NSMCE1: variants seen among roughly 807,000 people sequenced by gnomAD.
The protein encoded by NSMCE1 is NSE1 component of SMC5/6 complex.
In NSMCE1, 18 loss-of-function variants were observed where a neutral mutation model predicts 29.6. The observed-to-expected ratio is 0.61, with a 90% confidence interval of 0.42 to 0.90. NSMCE1 has a LOEUF of 0.90. Ranked by LOEUF, NSMCE1 falls within the 40% of genes least tolerant of loss-of-function variation. The probability of loss-of-function intolerance (pLI) is 0.00; values close to 1 mark genes in which losing one functional copy is unlikely to be tolerated. For synonymous variants in NSMCE1, 124 were observed against 133.4 expected, an observed-to-expected ratio of 0.93 and a Z score of 0.49; for missense variants, 314 against 343.6, an observed-to-expected ratio of 0.91 and a Z score of 0.68.
At chr16:27,266,934 AAGG>A (rs1307719647) in intron 1 of NSMCE1, among the ~76,000 whole-genome samples, 1 of 152,134 alleles carries the variant, frequency 6.6e-6, no homozygotes, top group Non-Finnish European at 1.5e-5. Context: ...CAAAAGAAAA[AAGG>A]AGAAAAAAAA....
chr16:27,230,197 G>A (rs939647084), intron 5 of NSMCE1, among the ~76,000 whole-genome samples: 17 of 152,196 alleles, frequency 1.1e-4, no homozygotes, highest in African/African-American at 3.9e-4. Context: ...TCTCCTGGAC[G>A]GACAGCTGCC....
At chr16:27,255,680 C>T (rs764689991) in intron 2 of NSMCE1, among the ~76,000 whole-genome samples, 16 of 152,294 alleles carry the variant, frequency 1.1e-4, no homozygotes, top group African/African-American at 2.9e-4. Context: ...CCGTCTAACA[C>T]GCCACCTTCT....
chr16:27,239,735 G>C (rs1269792469), intron 2 of NSMCE1, among the ~76,000 whole-genome samples: 1 of 152,232 alleles, frequency 6.6e-6, no homozygotes, highest in Non-Finnish European at 1.5e-5. Context: ...TAGCACAGAT[G>C]TCTCCTCTAG....
intron 2 of NSMCE1, among the ~76,000 whole-genome samples, chr16:27,236,851 C>A (rs913129633): frequency 1.3e-5 from 2 of 152,108 alleles, no homozygotes; most frequent in African/African-American, 2.4e-5. Context: ...AGGGACTAAA[C>A]GAAGGGTCAT....
At chr16:27,261,684 A>G (rs1473596167) in intron 1 of NSMCE1, among the ~76,000 whole-genome samples, 1 of 152,228 alleles carries the variant, frequency 6.6e-6, no homozygotes, top group Non-Finnish European at 1.5e-5. Context: ...AGCGCCAGAA[A>G]AAAAGCAAAC....
chr16:27,256,443 G>A (rs533834849), intron 2 of NSMCE1, among the ~76,000 whole-genome samples: 13 of 152,236 alleles, frequency 8.5e-5, no homozygotes, highest in Middle Eastern at 3.4e-3. Flanking sequence ...AGTGTCCTGC[G>A]TCTTCTTCTG....
At chr16:27,238,592 G>A (rs925525837) in intron 2 of NSMCE1, among the ~76,000 whole-genome samples, 1 of 151,340 alleles carries the variant, frequency 6.6e-6, no homozygotes, top group Non-Finnish European at 1.5e-5. Flanking sequence ...GTTTTGGTGA[G>A]AGAATAATTC....
rs1023631039 is a variant in NSMCE1 at position 27,225,031 on chromosome 16, G to A, written c.*126C>T. On this transcript the variant is annotated 3_prime_UTR_variant, in exon 8 of 8. Transcript: ENST00000361439. The stretch of plus-strand genomic sequence containing the variant: ...CCAGGATGGTTTATTCCAAAGCTGT[G>A]GACGGTGAACATTAAGACGAAAGAG... 1.4e-5 allele frequency: 9 copies of A among 647,830 alleles called. No homozygotes were observed. In the Admixed American group the frequency reaches 1.7e-4, roughly 12 times the overall value. 40.1% of individuals were successfully genotyped at this position (647,830 alleles called of 1,614,324 possible). A position where few individuals can be genotyped will look rare whatever the true frequency, so the allele number is the denominator to read the frequency against.
chr16:27,225,224 G>C lies in NSMCE1; in HGVS notation c.734C>G (p.Pro245Arg). The C allele has an allele frequency of 6.2e-7, 1 of 1,603,080 alleles. No individual in the cohort carries two copies. The highest frequency in any genetic ancestry group is 1.1e-5 in the South Asian group (1 of 89,532). ...GACACCAGACTCCCTCTCCTTCTCA[G>C]GGTCGAAGACTTCTGTAGACAGAAA... The part of the protein sequence containing the change: ...WPHEIPKVFD[P>R]EKERESGVLK... The change falls in exon 8 of 8, where the codon CCT becomes CGT. Residue 245 changes from proline (P) to arginine (R), a missense_variant. Physicochemically the swap from Pro to Arg is moderately radical, Grantham distance 103. Transcript: ENST00000361439.
At position 27,231,320 on chromosome 16, in the gene NSMCE1, G is replaced by A. The variant is rs146029413; in HGVS notation, c.483+1681C>T. On this transcript the variant is annotated intron_variant, in intron 5 of 7. Transcript: ENST00000361439. ...CTGCAATGGGGACCAGCCATGAAGA[G>A]GTCATAACCCCTACCCTTAAAAAAC... Among the ~76,000 whole-genome samples the A allele has an allele frequency of 7.8e-3, 1,189 of 152,334 alleles. 11 individuals carry two copies. Among genetic ancestry groups the A allele is most frequent in the African/African-American group, 0.027 (1,119 of 41,584 alleles).
intron 2 of NSMCE1, among the ~76,000 whole-genome samples, chr16:27,244,980 A>T (rs2083938918): frequency 6.6e-6 from 1 of 152,216 alleles, no homozygotes; most frequent in South Asian, 2.1e-4. Context: ...GGTCTATAAA[A>T]TAATTCCTAT....
intron 2 of NSMCE1, among the ~76,000 whole-genome samples, chr16:27,237,547 G>A (rs367626085): frequency 6.6e-6 from 1 of 152,206 alleles, no homozygotes; most frequent in Non-Finnish European, 1.5e-5. Flanking sequence ...TCAGGTGCAA[G>A]AGGCCCAGAC....
chr16:27,237,313 G>T (rs1272733023), intron 2 of NSMCE1, among the ~76,000 whole-genome samples: 1 of 152,192 alleles, frequency 6.6e-6, no homozygotes, highest in African/African-American at 2.4e-5. Context: ...CTGCTCACGG[G>T]CCCCTCCTTT....
intron 2 of NSMCE1, among the ~76,000 whole-genome samples, chr16:27,238,139 C>T (rs926562865): frequency 4.6e-5 from 7 of 152,332 alleles, no homozygotes; most frequent in Admixed American, 3.3e-4. Flanking sequence ...ACAGAGGTGG[C>T]GTGGTGGCAT....
chr16:27,245,044 C>A (rs1364060532), intron 2 of NSMCE1, among the ~76,000 whole-genome samples: 1 of 152,198 alleles, frequency 6.6e-6, no homozygotes, highest in Non-Finnish European at 1.5e-5. Context: ...CCACCACTCA[C>A]CCCCAGCAAT....
intron 2 of NSMCE1, 67 bp from the exon 3 acceptor site, chr16:27,235,366 T>A: frequency 6.4e-7 from 1 of 1,570,576 alleles, no homozygotes. Flanking sequence ...GTAGCTTGCT[T>A]GAATCATTCC....
At chr16:27,231,454 T>G (rs1030618652) in intron 5 of NSMCE1, among the ~76,000 whole-genome samples, 1 of 152,000 alleles carries the variant, frequency 6.6e-6, no homozygotes, top group African/African-American at 2.4e-5. Flanking sequence ...CTGGTCAACA[T>G]GGAGGAACCC....
Position 27,232,947 on chromosome 16 carries a change from A to C in NSMCE1, c.483+54T>G, listed in dbSNP as rs754668969. The C allele has an allele frequency of 1.4e-5, 22 of 1,588,520 alleles. No homozygotes were observed. Among genetic ancestry groups the C allele is most frequent in the Non-Finnish European group, 1.9e-5 (22 of 1,165,378 alleles). On this transcript the variant is annotated intron_variant, in intron 5 of 7. Coordinates refer to ENST00000361439, the MANE Select transcript of NSMCE1 (RefSeq NM_145080.4). The surrounding 1 kb of genome is among the most constrained non-coding windows in gnomAD (Gnocchi z 4.5). Reference sequence around the variant, plus strand: ...GCTACAAGTACGATTTTGGAGAAAAAACTGTTATTCACTTGAAAAAGTGAA... The same window carrying C: ...GCTACAAGTACGATTTTGGAGAAAACACTGTTATTCACTTGAAAAAGTGAA...
At chr16:27,231,930 C>T (rs747630745) in intron 5 of NSMCE1, among the ~76,000 whole-genome samples, 28 of 152,180 alleles carry the variant, frequency 1.8e-4, no homozygotes, top group African/African-American at 3.6e-4. Context: ...TACGGGAACG[C>T]GCCCAGCAGA....
Sources: allele counts gnomAD v4.1 joint callset (sites outside exome capture counted in the v4.1 genomes callset), GRCh38; gene constraint gnomAD v4.1.1; non-coding constraint Gnocchi (gnomAD v3.1); transcripts MANE v1.5; gene names NCBI Gene and HGNC (gene_info 2026-07-23, HGNC 2026-07-21).